The following PTPRM variants were observed in gnomAD, a reference collection of about 807,000 sequenced individuals.
PTPRM encodes the protein receptor-type tyrosine-protein phosphatase mu.
In PTPRM, 47 loss-of-function variants were observed where a neutral mutation model predicts 186.7. That is an observed-to-expected ratio of 0.25 (90% confidence interval 0.20 to 0.32). PTPRM has a LOEUF of 0.32. PTPRM is among the 10% of genes least tolerant of loss of function. The pLI is 1.00. For synonymous variants in PTPRM, 668 were observed against 674.9 expected, an observed-to-expected ratio of 0.99 and a Z score of 0.16; for missense variants, 1,494 against 1,865.0, an observed-to-expected ratio of 0.80 and a Z score of 3.66.
At chr18:7,748,146 G>C (rs1257743867) in intron 1 of PTPRM, among the ~76,000 whole-genome samples, 1 of 152,206 alleles carries the variant, frequency 6.6e-6, no homozygotes, top group Non-Finnish European at 1.5e-5. Context: ...GACCAGAACT[G>C]TCCAGGAGAA....
At chr18:7,823,079 A>C (rs2045290047) in intron 2 of PTPRM, among the ~76,000 whole-genome samples, 2 of 152,016 alleles carry the variant, frequency 1.3e-5, no homozygotes, top group Non-Finnish European at 2.9e-5. Context: ...CTGGTTGAGA[A>C]CCACTGTCCT....
At chr18:7,737,546 G>A (rs900793311) in intron 1 of PTPRM, among the ~76,000 whole-genome samples, 18 of 152,184 alleles carry the variant, frequency 1.2e-4, no homozygotes, top group African/African-American at 4.3e-4. Context: ...AGACTCCAGG[G>A]CTTGTATTCA....
chr18:8,289,551 C>CACATATATATATATACAT (rs1318286908), intron 19 of PTPRM, among the ~76,000 whole-genome samples: 10 of 77,714 alleles, frequency 1.3e-4, no homozygotes, highest in Non-Finnish European at 1.8e-4. Context: ...TATATATATA[C>CACATATATATATATACAT]ATATATATAC....
At chr18:8,129,036 T>C (rs2092440836) in intron 13 of PTPRM, among the ~76,000 whole-genome samples, 1 of 152,168 alleles carries the variant, frequency 6.6e-6, no homozygotes, top group Non-Finnish European at 1.5e-5. Context: ...TAATTTGGTG[T>C]ATTACGCATA....
At chr18:7,842,727 A>C (rs1249743291) in intron 2 of PTPRM, among the ~76,000 whole-genome samples, 2 of 151,810 alleles carry the variant, frequency 1.3e-5, no homozygotes, top group East Asian at 3.9e-4. Context: ...TGGACTTGCC[A>C]GCCCCACCAC....
intron 2 of PTPRM, among the ~76,000 whole-genome samples, chr18:7,823,098 TCC>T (rs2145629052): frequency 6.6e-6 from 1 of 152,278 alleles, no homozygotes; most frequent in African/African-American, 2.4e-5. Flanking sequence ...CTAATGTTTC[TCC>T]TATTTGTAGT....
intron 1 of PTPRM, chr18:7,749,285 A>G (rs890940821): frequency 3.3e-5 from 5 of 151,932 alleles, no homozygotes; most frequent in African/African-American, 4.8e-5. Context: ...ATTACCACCC[A>G]CTATTTTTGC....
intron 7 of PTPRM, among the ~76,000 whole-genome samples, chr18:8,022,423 TTCTAAG>T (rs1236420815): frequency 6.6e-6 from 1 of 152,218 alleles, no homozygotes; most frequent in South Asian, 2.1e-4. Flanking sequence ...GGAAAGCGTT[TTCTAAG>T]TCTTTTCTGC....
At chr18:7,772,392 TTTCTTTCTTTC>T (rs1568108614) in intron 1 of PTPRM, among the ~76,000 whole-genome samples, 1 of 130,496 alleles carries the variant, frequency 7.7e-6, no homozygotes, top group East Asian at 2.6e-4. Flanking sequence ...TCTTTCTTTC[TTTCTTTCTTTC>T]TTTCTTTCTT....
chr18:8,211,399 T>TG (rs1284609402), intron 14 of PTPRM, among the ~76,000 whole-genome samples: 12 of 140,464 alleles, frequency 8.5e-5, no homozygotes, highest in African/African-American at 2.4e-4. Flanking sequence ...TTTTTTTTTT[T>TG]TTTGTTTGTT....
intron 1 of PTPRM, among the ~76,000 whole-genome samples, chr18:7,662,609 A>G (rs2039005658): frequency 6.6e-6 from 1 of 150,760 alleles, no homozygotes; most frequent in African/African-American, 2.4e-5. Flanking sequence ...AAAGAGTACT[A>G]AAAAAAATAG....
chr18:7,582,709 C>T (rs892521909), intron 1 of PTPRM, among the ~76,000 whole-genome samples: 1 of 152,190 alleles, frequency 6.6e-6, no homozygotes, highest in African/African-American at 2.4e-5. Flanking sequence ...GGAAGAACTG[C>T]GTTCAAGGGC....
chr18:7,936,498 C>A (rs1026189132), intron 5 of PTPRM, among the ~76,000 whole-genome samples: 2 of 152,204 alleles, frequency 1.3e-5, no homozygotes, highest in African/African-American at 4.8e-5. Flanking sequence ...CATGCCAGCC[C>A]CCTGCCGCCT....
chr18:8,189,313 G>C (rs776114932), intron 14 of PTPRM, among the ~76,000 whole-genome samples: 10 of 151,630 alleles, frequency 6.6e-5, no homozygotes, highest in Non-Finnish European at 1.5e-4. Flanking sequence ...AAGGTCTCAG[G>C]GTTGAAAGGT....
intron 14 of PTPRM, among the ~76,000 whole-genome samples, chr18:8,160,734 G>T (rs2093214668): frequency 6.6e-6 from 1 of 152,134 alleles, no homozygotes; most frequent in South Asian, 2.1e-4. Flanking sequence ...ATTTATTCAG[G>T]ACTTAGCATT....
At chr18:7,629,814 T>A (rs190460012) in intron 1 of PTPRM, among the ~76,000 whole-genome samples, 1 of 152,280 alleles carries the variant, frequency 6.6e-6, no homozygotes, top group Admixed American at 6.5e-5. Flanking sequence ...ACATCATATT[T>A]TTAAAGATCT....
At chr18:8,131,800 A>C (rs1568394031) in intron 13 of PTPRM, among the ~76,000 whole-genome samples, 1 of 152,222 alleles carries the variant, frequency 6.6e-6, no homozygotes, top group Non-Finnish European at 1.5e-5. Context: ...AATTTTCTTC[A>C]ACATGCTGTT....
At chr18:8,070,057 C>A in intron 8 of PTPRM, 63 bp downstream of exon 8, 1 of 1,442,516 alleles carries the variant, frequency 6.9e-7, no homozygotes, top group Non-Finnish European at 9.4e-7. Context: ...ACTTTTGTTT[C>A]GAGATCTTTG....
chr18:8,284,230 A>G (rs2147771558), intron 19 of PTPRM, among the ~76,000 whole-genome samples: 1 of 152,330 alleles, frequency 6.6e-6, no homozygotes, highest in South Asian at 2.1e-4. Context: ...AAGGCAGTAC[A>G]TCTAATAAGC....
Sources: allele counts gnomAD v4.1 joint callset (sites outside exome capture counted in the v4.1 genomes callset), GRCh38; gene constraint gnomAD v4.1.1; transcripts MANE v1.5; gene names NCBI Gene and HGNC (gene_info 2026-07-23, HGNC 2026-07-21).